DRD3: variants seen among roughly 807,000 people sequenced by gnomAD.
DRD3 encodes D(3) dopamine receptor.
A neutral mutation model predicts 36.3 loss-of-function variants in DRD3; 19 were observed. The observed-to-expected ratio is 0.52, with a 90% CI of 0.36 to 0.77. The LOEUF is 0.77. Ranked by LOEUF, DRD3 falls within the 30% of genes least tolerant of loss-of-function variation. The pLI, the probability that DRD3 is intolerant of heterozygous loss-of-function variation, is 0.00. For synonymous variants in DRD3, 195 were observed against 203.7 expected, an observed-to-expected ratio of 0.96 and a Z score of 0.36; for missense variants, 465 against 505.3, an observed-to-expected ratio of 0.92 and a Z score of 0.77.
chr3:114,152,246 G>C (rs144411800), intron 3 of DRD3, among the ~76,000 whole-genome samples: 1 of 151,924 alleles, frequency 6.6e-6, no homozygotes, highest in African/African-American at 2.4e-5. Flanking sequence ...GTCCTCTCTC[G>C]AATCCCCCTC....
chr3:114,175,627 G>C (rs537923548), intron 1 of DRD3, among the ~76,000 whole-genome samples: 81 of 152,262 alleles, frequency 5.3e-4, no homozygotes, highest in Middle Eastern at 6.8e-3. Flanking sequence ...TGCTATAAAG[G>C]ATCTAAGATC....
chr3:114,174,601 T>A (rs1251981946), intron 1 of DRD3, among the ~76,000 whole-genome samples: 1 of 152,216 alleles, frequency 6.6e-6, no homozygotes, highest in Non-Finnish European at 1.5e-5. Context: ...TGATCTTAGA[T>A]CCTTTATAGC....
rs201447792 is a variant in DRD3, at chr3:114,159,777, G to T, written c.361C>A (p.Leu121Ile). The change falls in exon 3 of 7, where the codon CTC becomes ATC. Residue 121 changes from leucine (L) to isoleucine (I), a missense_variant. Physicochemically the swap from Leu to Ile is conservative, Grantham distance 5. Coordinates refer to ENST00000383673, the MANE Select transcript of DRD3 (RefSeq NM_000796.6). Reference protein sequence around the residue: ...VMMCTASILNLCAISIDRYTA... With the variant: ...VMMCTASILNICAISIDRYTA... Reference sequence around the variant, plus strand: ...TACCTGTCTATGCTGATGGCACAGAGATTAAGGATGCTGGCTGTACACATC... The same window carrying T: ...TACCTGTCTATGCTGATGGCACAGATATTAAGGATGCTGGCTGTACACATC... 6.2e-7 allele frequency: 1 copy of T among 1,614,078 alleles called. No individual in the cohort carries two copies. Among genetic ancestry groups the T allele is most frequent in the East Asian group, 2.2e-5 (1 of 44,872 alleles).
intron 1 of DRD3, among the ~76,000 whole-genome samples, chr3:114,184,327 A>G (rs890495488): frequency 6.6e-6 from 1 of 152,176 alleles, no homozygotes; most frequent in Non-Finnish European, 1.5e-5. Context: ...ACATAAACTA[A>G]TAATTATTTT....
intron 1 of DRD3, among the ~76,000 whole-genome samples, chr3:114,188,971 A>T (rs2077989750): frequency 6.6e-6 from 1 of 152,258 alleles, no homozygotes; most frequent in African/African-American, 2.4e-5. Context: ...CAATGATTTT[A>T]AAAAGAATAA....
At chr3:114,130,344 C>T (rs192879645) in intron 6 of DRD3, among the ~76,000 whole-genome samples, 51 of 152,158 alleles carry the variant, frequency 3.4e-4, no homozygotes, top group African/African-American at 1.2e-3. Context: ...GGAATAAGCA[C>T]CCACCACTCA....
intron 2 of DRD3, among the ~76,000 whole-genome samples, chr3:114,160,360 C>T (rs2077721240): frequency 6.6e-6 from 1 of 152,172 alleles, no homozygotes; most frequent in South Asian, 2.1e-4. Flanking sequence ...GATTCTCCTG[C>T]CTCAGCCTCC....
chr3:114,185,043 C>T (rs992979461), intron 1 of DRD3, among the ~76,000 whole-genome samples: 1 of 151,772 alleles, frequency 6.6e-6, no homozygotes, highest in African/African-American at 2.4e-5. Flanking sequence ...TTTTTTTGCG[C>T]TTTCATAATT....
chr3:114,148,565 T>C (rs1176402401), intron 3 of DRD3, among the ~76,000 whole-genome samples: 1 of 152,114 alleles, frequency 6.6e-6, no homozygotes, highest in African/African-American at 2.4e-5. Flanking sequence ...CACAGTCAAC[T>C]CAAACTCAAG....
intron 1 of DRD3, among the ~76,000 whole-genome samples, chr3:114,192,982 A>ACAAAG (rs1560007035): frequency 6.6e-6 from 1 of 152,168 alleles, no homozygotes; most frequent in African/African-American, 2.4e-5. Flanking sequence ...ACAAAACAAA[A>ACAAAG]CAAACAAAAA....
chr3:114,147,428 G>A lies in DRD3; in HGVS notation c.513C>T (p.Gly171=). The A allele has an allele frequency of 6.2e-7, 1 of 1,613,470 alleles. No homozygotes were observed. Among genetic ancestry groups the A allele is most frequent in the Non-Finnish European group, 8.5e-7 (1 of 1,179,696 alleles). The change falls in exon 4 of 7, where the codon GGC becomes GGT. Residue 171 remains glycine (G), a synonymous_variant. Coordinates refer to ENST00000383673, the MANE Select transcript of DRD3 (RefSeq NM_000796.6). Reference sequence around the variant, plus strand: ...CATCACTGTTACCTGTGGTATTAAAGCCAAACAGAAGAGGGCAGGACACAG... The same window carrying A: ...CATCACTGTTACCTGTGGTATTAAAACCAAACAGAAGAGGGCAGGACACAG... ...AFAVSCPLLF[G]FNTTGDPTVC...
chr3:114,141,597 G>A (rs975444188), intron 4 of DRD3, among the ~76,000 whole-genome samples: 3 of 152,102 alleles, frequency 2.0e-5, no homozygotes, highest in African/African-American at 4.8e-5. Context: ...GAACTAAAAC[G>A]AAAAGAGTGT....
At position 114,140,806 on chromosome 3, in the gene DRD3, C is replaced by A. The variant is rs547513236; in HGVS notation, c.527-1110G>T. Among the ~76,000 whole-genome samples, 129 of 152,298 alleles carry A rather than the reference C, an allele frequency of 8.5e-4. 2 individuals are homozygous for A. The highest frequency in any genetic ancestry group is 1.0e-3 in the Non-Finnish European group (68 of 68,028). On this transcript the variant is annotated intron_variant, in intron 4 of 6. Coordinates refer to ENST00000383673, the MANE Select transcript of DRD3 (RefSeq NM_000796.6). The stretch of plus-strand genomic sequence containing the variant: ...GAGCAACAACTGTTGGTACACCCGG[C>A]CAGTCTTCATAAAGGGTTGGGGATT...
At chr3:114,134,390 G>A (rs2107832518) in intron 5 of DRD3, among the ~76,000 whole-genome samples, 1 of 151,532 alleles carries the variant, frequency 6.6e-6, no homozygotes, top group South Asian at 2.1e-4. Context: ...GAGCCAACAT[G>A]CCCAGCCAAT....
chr3:114,184,164 A>G (rs991208766), intron 1 of DRD3, among the ~76,000 whole-genome samples: 1 of 152,140 alleles, frequency 6.6e-6, no homozygotes, highest in African/African-American at 2.4e-5. Context: ...AGTGGAGATT[A>G]CATTTAACAT....
intron 4 of DRD3, among the ~76,000 whole-genome samples, chr3:114,146,508 A>C (rs567311800): frequency 6.6e-6 from 1 of 152,208 alleles, no homozygotes; most frequent in East Asian, 1.9e-4. Context: ...ACTTGAGGTC[A>C]GGAGTTTGAG....
chr3:114,169,680 C>G (rs964757403), intron 2 of DRD3, among the ~76,000 whole-genome samples: 1 of 152,038 alleles, frequency 6.6e-6, no homozygotes, highest in Non-Finnish European at 1.5e-5. Flanking sequence ...GCAAGATTTC[C>G]TGTCATTTTC....
Position 114,147,452 on chromosome 3 carries a change from A to G in DRD3, c.489T>C (p.Ala163=). 1 of 1,613,944 alleles carries G rather than the reference A, an allele frequency of 6.2e-7. No individual in the cohort carries two copies. The highest frequency in any genetic ancestry group is 1.1e-5 in the South Asian group (1 of 91,066). Residue 163 remains alanine, a synonymous_variant, in exon 4 of 7, where the codon GCT becomes GCC. Coordinates refer to ENST00000383673, the MANE Select transcript of DRD3 (RefSeq NM_000796.6). ...MITAVWVLAF[A]VSCPLLFGFN... ...AGCCAAACAGAAGAGGGCAGGACACAGCAAAGGCCAGTACCCAGACGGCCG... is the reference window on the plus strand; with the variant it reads ...AGCCAAACAGAAGAGGGCAGGACACGGCAAAGGCCAGTACCCAGACGGCCG...
At chr3:114,137,929 C>T (rs1485028986) in intron 5 of DRD3, among the ~76,000 whole-genome samples, 4 of 135,750 alleles carry the variant, frequency 2.9e-5, no homozygotes, top group South Asian at 2.4e-4. Context: ...ACCCGGGAGG[C>T]GGAGCTTGCA....
Sources: allele counts gnomAD v4.1 joint callset (sites outside exome capture counted in the v4.1 genomes callset), GRCh38; gene constraint gnomAD v4.1.1; transcripts MANE v1.5; gene names NCBI Gene and HGNC (gene_info 2026-07-23, HGNC 2026-07-21).